The following PDE5A variants were observed in gnomAD, a reference collection of about 807,000 sequenced individuals.
PDE5A encodes cGMP-specific 3',5'-cyclic phosphodiesterase.
A neutral mutation model predicts 110.2 loss-of-function variants in PDE5A; 67 were observed. The observed-to-expected ratio is 0.61, with a 90% CI of 0.50 to 0.75. The LOEUF (loss-of-function observed/expected upper bound fraction) is 0.75. PDE5A is among the 30% of genes least tolerant of loss of function. The pLI is 0.00. For synonymous variants in PDE5A, 328 were observed against 351.2 expected (o/e 0.93, Z 0.74); for missense variants, 862 against 1,045.1 (o/e 0.82, Z 2.42).
chr4:119,585,666 C>G (rs147539587), intron 3 of PDE5A, among the ~76,000 whole-genome samples: 1 of 152,168 alleles, frequency 6.6e-6, no homozygotes, highest in African/African-American at 2.4e-5. Flanking sequence ...GTTAAAGTGT[C>G]TCCACAAATT....
intron 1 of PDE5A, among the ~76,000 whole-genome samples, chr4:119,626,665 G>C (rs936446217): frequency 6.6e-6 from 1 of 152,136 alleles, no homozygotes; most frequent in African/African-American, 2.4e-5. Flanking sequence ...ACTGTTAGTC[G>C]ACAGCAACCG....
chr4:119,548,236 G>C (rs1727207427), intron 9 of PDE5A: 1 of 151,772 alleles, frequency 6.6e-6, no homozygotes. Flanking sequence ...TTTTAGTAGA[G>C]ACGGGGTTTC....
intron 1 of PDE5A, among the ~76,000 whole-genome samples, chr4:119,621,228 TCTG>T (rs1730131265): frequency 2.0e-5 from 3 of 152,224 alleles, no homozygotes; most frequent in Admixed American, 2.0e-4. Context: ...AACTTCTGGG[TCTG>T]CCCACATCAC....
At chr4:119,628,438 C>T (rs900435678) in intron 1 of PDE5A, 82 bp downstream of exon 1, 2 of 1,193,420 alleles carry the variant, frequency 1.7e-6, no homozygotes, top group South Asian at 3.0e-5. Context: ...AAGCAAAGGG[C>T]CTGGGAACAG....
rs1044919927 is a variant in PDE5A at position 119,565,872 on chromosome 4, C to T, written c.904-462G>A. On this transcript the variant is annotated intron_variant, in intron 4 of 20. Transcript: ENST00000354960. ...CAAACATTAAATATGTCATTTTTAACATGGATCTATCATCCTCATTAAACT... is the reference window on the plus strand; with the variant it reads ...CAAACATTAAATATGTCATTTTTAATATGGATCTATCATCCTCATTAAACT... 6.0e-5 allele frequency among the ~76,000 whole-genome samples: 9 copies of T among 151,090 alleles called. No homozygotes were observed. The South Asian group carries it at 6.2e-4, about 10-fold the overall frequency.
intron 3 of PDE5A, among the ~76,000 whole-genome samples, chr4:119,584,458 C>T (rs1490577167): frequency 6.6e-6 from 1 of 152,200 alleles, no homozygotes; most frequent in Admixed American, 6.5e-5. Context: ...AATCACTAAA[C>T]CTACTAAACA....
rs1308583951 is a variant in PDE5A at position 119,595,883 on chromosome 4, T to C, written c.831+640A>G. Among the ~76,000 whole-genome samples, 5 of 152,328 alleles carry C rather than the reference T, an allele frequency of 3.3e-5. 1 individual carries two copies. Among genetic ancestry groups the C allele is most frequent in the African/African-American group, 1.2e-4 (5 of 41,582 alleles). ...TAATACAATTGGTAATCTTTTAGAC[T>C]TCTCCAGTTGGTTGTAATACACAGT... On this transcript the variant is annotated intron_variant, in intron 3 of 20. Transcript: ENST00000354960.
chr4:119,590,435 C>T (rs1728926764), intron 3 of PDE5A, among the ~76,000 whole-genome samples: 2 of 152,164 alleles, frequency 1.3e-5, no homozygotes, highest in African/African-American at 4.8e-5. Context: ...TTTCTCCAGC[C>T]AGTAGCTCTT....
chr4:119,592,616 A>G (rs1729019631), intron 3 of PDE5A, among the ~76,000 whole-genome samples: 3 of 152,148 alleles, frequency 2.0e-5, no homozygotes, highest in Admixed American at 2.0e-4. Flanking sequence ...CATTATTATC[A>G]GTTGAGCATC....
chr4:119,569,508 A>T (rs905782391), intron 3 of PDE5A, among the ~76,000 whole-genome samples: 1 of 107,278 alleles, frequency 9.3e-6, no homozygotes, highest in Non-Finnish European at 2.2e-5. Context: ...AAGAAATATT[A>T]AAAAAAAAAC....
rs967687319 is a variant in PDE5A at position 119,622,874 on chromosome 4, A to G, written c.152+5646T>C. On this transcript the variant is annotated intron_variant, in intron 1 of 20. Coordinates refer to ENST00000354960, the MANE Select transcript of PDE5A (RefSeq NM_001083.4). The stretch of plus-strand genomic sequence containing the variant: ...GCAATACTCCGTCTCGAAAAAAAAA[A>G]AAAGAAAGAAAGAAAAAAAAAGCTT... 3.3e-5 allele frequency among the ~76,000 whole-genome samples: 5 copies of G among 150,798 alleles called. 1 individual carries two copies. Among genetic ancestry groups the G allele is most frequent in the Admixed American group, 1.3e-4 (2 of 15,150 alleles).
intron 18 of PDE5A, among the ~76,000 whole-genome samples, 193 bp from the exon 19 acceptor site, chr4:119,502,848 C>CTT (rs1038800797): frequency 5.3e-5 from 8 of 152,268 alleles, no homozygotes; most frequent in African/African-American, 1.9e-4. Context: ...CTCTTTTTCA[C>CTT]TTAGGTACAT....
intron 19 of PDE5A, among the ~76,000 whole-genome samples, chr4:119,502,202 G>T (rs1237661515): frequency 6.6e-6 from 1 of 151,938 alleles, no homozygotes; most frequent in African/African-American, 2.4e-5. Flanking sequence ...GTTTATCACA[G>T]TGCTGTTTGT....
intron 3 of PDE5A, among the ~76,000 whole-genome samples, chr4:119,595,508 G>C (rs569259203): frequency 6.6e-6 from 1 of 152,182 alleles, no homozygotes; most frequent in Non-Finnish European, 1.5e-5. Context: ...ACCAATGTAG[G>C]TGGGCATCAT....
rs200243886 is a variant in PDE5A at position 119,599,339 on chromosome 4, G to T, written c.742-2727C>A. 2.5e-3 allele frequency among the ~76,000 whole-genome samples: 381 copies of T among 152,072 alleles called. 7 individuals carry two copies. Among genetic ancestry groups the T allele is most frequent in the East Asian group, 0.019 (99 of 5,158 alleles). On this transcript the variant is annotated intron_variant, in intron 2 of 20. Transcript: ENST00000354960. ...ATGAAACCCATAGTAAAGAGAAAAA[G>T]TAGTCAATAAAAAATGACCCCAAGA...
intron 14 of PDE5A, among the ~76,000 whole-genome samples, chr4:119,515,275 A>G (rs1317346419): frequency 6.6e-6 from 1 of 152,120 alleles, no homozygotes; most frequent in Non-Finnish European, 1.5e-5. Flanking sequence ...TGCTGTGTGT[A>G]GTGCCCTTTT....
At chr4:119,513,138 T>C (rs952098598) in intron 14 of PDE5A, among the ~76,000 whole-genome samples, 3 of 152,072 alleles carry the variant, frequency 2.0e-5, no homozygotes, top group Non-Finnish European at 4.4e-5. Flanking sequence ...AAGTACCAAT[T>C]AGAAGGTGTT....
chr4:119,539,141 A>C (rs895374307), intron 10 of PDE5A, 122 bp from the exon 11 acceptor site: 2 of 757,348 alleles, frequency 2.6e-6, no homozygotes, highest in Non-Finnish European at 2.3e-6. Flanking sequence ...TCAGAATGCC[A>C]AATCTTGTTT....
At chr4:119,546,165 C>T (rs1467895836) in intron 9 of PDE5A, among the ~76,000 whole-genome samples, 1 of 152,052 alleles carries the variant, frequency 6.6e-6, no homozygotes, top group African/African-American at 2.4e-5. Context: ...AAGAGTTACC[C>T]ATTCTTTGAT....
Sources: allele counts gnomAD v4.1 joint callset (sites outside exome capture counted in the v4.1 genomes callset), GRCh38; gene constraint gnomAD v4.1.1; transcripts MANE v1.5; gene names NCBI Gene and HGNC (gene_info 2026-07-23, HGNC 2026-07-21).